NCOA4: variants seen among roughly 807,000 people sequenced by gnomAD.
NCOA4 encodes 70 kDa AR-activator.
Under a neutral mutation model 69.5 loss-of-function variants are expected in NCOA4, and 31 were observed. The ratio of observed to expected loss-of-function variants is 0.45; its 90% CI spans 0.34 to 0.60. The LOEUF (loss-of-function observed/expected upper bound fraction) is 0.60. Among genes scored for constraint, NCOA4 ranks in the 20% least tolerant of loss-of-function variants. The probability of loss-of-function intolerance (pLI) is 0.02; values close to 1 mark genes in which losing one functional copy is unlikely to be tolerated. For synonymous variants in NCOA4, 228 were observed against 252.4 expected, an observed-to-expected ratio of 0.90 and a Z score of 0.92; for missense variants, 600 against 719.2, an observed-to-expected ratio of 0.83 and a Z score of 1.90.
chr10:46,008,521 A>G (rs1838987082), intron 9 of NCOA4, among the ~76,000 whole-genome samples: 1 of 152,252 alleles, frequency 6.6e-6, no homozygotes, highest in Non-Finnish European at 1.5e-5. Flanking sequence ...AATTGCTGCA[A>G]TCTCATGATC....
intron 7 of NCOA4, among the ~76,000 whole-genome samples, chr10:46,011,748 A>G (rs533673034): frequency 6.6e-6 from 1 of 152,064 alleles, no homozygotes; most frequent in African/African-American, 2.4e-5. Context: ...TCATCAAAGA[A>G]GCCTAATAAA....
chr10:46,012,744 T>C, intron 7 of NCOA4, 139 bp downstream of exon 7: 1 of 789,106 alleles, frequency 1.3e-6, no homozygotes, highest in Non-Finnish European at 1.7e-6. Context: ...TTCTAAACTT[T>C]CTATGATGAA....
chr10:46,030,167 G>A (rs1400171489), intron 1 of NCOA4, among the ~76,000 whole-genome samples: 4 of 152,226 alleles, frequency 2.6e-5, no homozygotes, highest in Non-Finnish European at 5.9e-5. Flanking sequence ...TAAAGAGAGG[G>A]GAAGGCCGGC....
intron 1 of NCOA4, among the ~76,000 whole-genome samples, chr10:46,025,811 A>G (rs1840132074): frequency 6.6e-6 from 1 of 152,180 alleles, no homozygotes; most frequent in African/African-American, 2.4e-5. Flanking sequence ...ATGTTACCCT[A>G]TTGTTACATG....
intron 1 of NCOA4, among the ~76,000 whole-genome samples, chr10:46,019,094 C>G (rs1241133851): frequency 2.0e-5 from 3 of 152,192 alleles, no homozygotes; most frequent in Non-Finnish European, 4.4e-5. Context: ...AATTTTTTAA[C>G]TTCCCCTTGC....
At chr10:46,023,263 G>A in intron 1 of NCOA4, 1 of 985,116 alleles carries the variant, frequency 1.0e-6, no homozygotes, top group Non-Finnish European at 1.2e-6. Flanking sequence ...GCTCCTGCCC[G>A]GCGCCAGCCC....
Position 46,014,889 on chromosome 10 carries a change from T to C in NCOA4, c.336A>G (p.Lys112=), listed in dbSNP as rs1839446598. 1 of 1,614,170 alleles carries C rather than the reference T, an allele frequency of 6.2e-7. No individual in the cohort carries two copies. Among genetic ancestry groups the C allele is most frequent in the African/African-American group, 1.3e-5 (1 of 75,044 alleles). The change falls in exon 4 of 10, where the codon AAA becomes AAG. Residue 112 remains lysine (K), a synonymous_variant. Coordinates refer to ENST00000581486, the MANE Select transcript of NCOA4 (RefSeq NM_001145263.2). Reference sequence around the variant, plus strand: ...ACACAGAGACTTGATTGGCTAGATCTTTGTTTTGGGTACACTCCAGTTGAT... The same window carrying C: ...ACACAGAGACTTGATTGGCTAGATCCTTGTTTTGGGTACACTCCAGTTGAT... ...LTHQLECTQN[K]DLANQVSVCL...
intron 7 of NCOA4, among the ~76,000 whole-genome samples, chr10:46,012,009 C>T (rs1263723665): frequency 2.4e-5 from 3 of 125,848 alleles, no homozygotes; most frequent in South Asian, 2.7e-4. Context: ...TGCAGTGAGC[C>T]GAGATCCCAC....
intron 9 of NCOA4, among the ~76,000 whole-genome samples, chr10:46,007,475 A>G (rs1285968550): frequency 1.3e-5 from 2 of 151,250 alleles, no homozygotes; most frequent in Non-Finnish European, 1.5e-5. Flanking sequence ...ACAACTTCCT[A>G]TTGGAAGAAG....
rs1371732642 is a variant in NCOA4 at position 46,010,345 on chromosome 10, G to A, written c.1576C>T (p.Pro526Ser). 6.2e-7 allele frequency: 1 copy of A among 1,614,094 alleles called. No individual in the cohort carries two copies. The highest frequency in any genetic ancestry group is 1.1e-5 in the South Asian group (1 of 91,086). Residue 526 changes from proline (P) to serine (S), a missense_variant, in exon 8 of 10, where the codon CCC becomes TCC. Physicochemically the swap from Pro to Ser is moderately conservative, Grantham distance 74. Coordinates refer to ENST00000581486, the MANE Select transcript of NCOA4 (RefSeq NM_001145263.2). ...DRAGKQKFKS[P>S]MNTSWCSFNT... ...AAGGAACACCAGGAAGTATTCATGG[G>A]GCTTTTAAACTTCTGTTTGCCAGCT...
At chr10:46,026,499 C>G (rs993964466) in intron 1 of NCOA4, among the ~76,000 whole-genome samples, 2 of 152,090 alleles carry the variant, frequency 1.3e-5, no homozygotes, top group Non-Finnish European at 2.9e-5. Context: ...AACTTCTTGC[C>G]ATAATAGAGT....
intron 1 of NCOA4, among the ~76,000 whole-genome samples, chr10:46,017,609 AAT>A (rs1440441103): frequency 1.3e-5 from 2 of 152,138 alleles, no homozygotes; most frequent in Non-Finnish European, 2.9e-5. Flanking sequence ...GAATATATGT[AAT>A]ATATAATATA....
chr10:46,019,178 C>A (rs962123535), intron 1 of NCOA4: 8 of 255,332 alleles, frequency 3.1e-5, no homozygotes, highest in Non-Finnish European at 4.3e-5. Context: ...TTGGATTTCA[C>A]AGAAATCCCT....
chr10:46,011,349 G>C, intron 7 of NCOA4, 143 bp from the exon 8 acceptor site: 2 of 773,024 alleles, frequency 2.6e-6, no homozygotes, highest in South Asian at 1.9e-5. Flanking sequence ...CTCACTGCAA[G>C]CTCTGCCTCC....
intron 1 of NCOA4, chr10:46,022,571 C>T (rs1363052362): frequency 4.9e-6 from 2 of 405,032 alleles, no homozygotes; most frequent in East Asian, 1.5e-4. Context: ...TACCATTCTC[C>T]TGTCTCAGCC....
chr10:46,026,990 G>A (rs1840184044), intron 1 of NCOA4, among the ~76,000 whole-genome samples: 1 of 152,188 alleles, frequency 6.6e-6, no homozygotes, highest in Admixed American at 6.5e-5. Context: ...AGTGGTCCGG[G>A]CGCGGTGGCT....
intron 1 of NCOA4, chr10:46,022,449 T>C: frequency 2.1e-6 from 1 of 466,832 alleles, no homozygotes. Context: ...TCCGTCTTTT[T>C]TTTAAAGGTT....
At chr10:46,022,987 A>G (rs1554924785) in intron 1 of NCOA4, among the ~76,000 whole-genome samples, 1 of 152,248 alleles carries the variant, frequency 6.6e-6, no homozygotes, top group East Asian at 1.9e-4. Flanking sequence ...TTAACACTTC[A>G]GAGTTTACTA....
At chr10:46,026,999 C>A (rs1293334705) in intron 1 of NCOA4, among the ~76,000 whole-genome samples, 1 of 152,186 alleles carries the variant, frequency 6.6e-6, no homozygotes, top group African/African-American at 2.4e-5. Context: ...GGCGCGGTGG[C>A]TCACGCCTGT....
Sources: allele counts gnomAD v4.1 joint callset (sites outside exome capture counted in the v4.1 genomes callset), GRCh38; gene constraint gnomAD v4.1.1; transcripts MANE v1.5; gene names NCBI Gene and HGNC (gene_info 2026-07-23, HGNC 2026-07-21).